Variants in WDFY2 observed in about 807,000 individuals in gnomAD.
WDFY2 encodes the protein WD repeat and FYVE domain-containing protein 2.
A neutral mutation model predicts 56.4 loss-of-function variants in WDFY2; 36 were observed. That is an observed-to-expected ratio of 0.64 (90% CI 0.49 to 0.84). WDFY2 has a LOEUF of 0.84. WDFY2 is among the 40% of genes least tolerant of loss of function. The probability of loss-of-function intolerance (pLI) is 0.00; values close to 1 mark genes in which losing one functional copy is unlikely to be tolerated. For missense variants in WDFY2, 444 were observed against 512.2 expected (o/e 0.87, Z 1.29); for synonymous variants, 176 against 183.7 (o/e 0.96, Z 0.34).
chr13:51,685,545 G>T (rs1473844065), intron 3 of WDFY2, among the ~76,000 whole-genome samples: 1 of 152,108 alleles, frequency 6.6e-6, no homozygotes, highest in African/African-American at 2.4e-5. Context: ...CTGAAGAAAA[G>T]AAAATGTGAC....
In WDFY2 at chr13:51,727,611, C is replaced by T. The variant is rs539564615; in HGVS notation, c.486-67C>T. On this transcript the variant is annotated intron_variant, in intron 5 of 11. Coordinates refer to ENST00000298125, the MANE Select transcript of WDFY2 (RefSeq NM_052950.4). Reference sequence around the variant, plus strand: ...TTGCGTATTTCTTGTTACATTTATGCCCTGTTTTTTCATTGTAAATTCCCT... The same window carrying T: ...TTGCGTATTTCTTGTTACATTTATGTCCTGTTTTTTCATTGTAAATTCCCT... 1,195 of 1,450,996 alleles carry T rather than the reference C, an allele frequency of 8.2e-4. 1 individual carries two copies. The highest frequency in any genetic ancestry group is 9.9e-4 in the Admixed American group (56 of 56,366). The allele number at this position is 1,450,996 out of a possible 1,614,324, so 89.9% of individuals were successfully genotyped here. A position where few individuals can be genotyped will look rare whatever the true frequency, so the allele number is the denominator to read the frequency against.
At chr13:51,618,710 G>A (rs1015764703) in intron 1 of WDFY2, among the ~76,000 whole-genome samples, 9 of 152,320 alleles carry the variant, frequency 5.9e-5, no homozygotes, top group African/African-American at 1.9e-4. Flanking sequence ...CTATTATGTT[G>A]CATCACGGCC....
rs1018305467 is a variant in WDFY2 at position 51,761,168 on chromosome 13, C to T, written c.*1399C>T. ...TTACTAAAACGGTATGTGGGTGGTCCGAGACAGAATGGTACCTACAGTGCA... is the reference window on the plus strand; with the variant it reads ...TTACTAAAACGGTATGTGGGTGGTCTGAGACAGAATGGTACCTACAGTGCA... On this transcript the variant is annotated 3_prime_UTR_variant, in exon 12 of 12. Coordinates refer to ENST00000298125, the MANE Select transcript of WDFY2 (RefSeq NM_052950.4). 1 of 151,936 alleles carries T rather than the reference C, an allele frequency of 6.6e-6. No homozygotes were observed. The highest frequency in any genetic ancestry group is 6.5e-5 in the Admixed American group (1 of 15,268). The allele number at this position is 151,936 out of a possible 1,614,324, so 9.4% of individuals were successfully genotyped here.
intron 3 of WDFY2, among the ~76,000 whole-genome samples, chr13:51,679,139 G>T (rs1955936559): frequency 6.6e-6 from 1 of 152,140 alleles, no homozygotes; most frequent in South Asian, 2.1e-4. Flanking sequence ...AAAGGTACTG[G>T]ATCGTAACAT....
intron 2 of WDFY2, among the ~76,000 whole-genome samples, chr13:51,667,796 C>G (rs1955734416): frequency 6.8e-6 from 1 of 146,948 alleles, no homozygotes; most frequent in South Asian, 2.2e-4. Context: ...GTTGTTTTTA[C>G]TATTCATATT....
chr13:51,758,579 A>T (rs1357534219), intron 11 of WDFY2, among the ~76,000 whole-genome samples: 1 of 150,722 alleles, frequency 6.6e-6, no homozygotes, highest in African/African-American at 2.4e-5. Context: ...AAAAGTTACC[A>T]TTGAAGGTGA....
At chr13:51,620,433 G>A (rs1219204102) in intron 1 of WDFY2, among the ~76,000 whole-genome samples, 1 of 151,942 alleles carries the variant, frequency 6.6e-6, no homozygotes, top group East Asian at 1.9e-4. Flanking sequence ...TGCTCTGGCG[G>A]GCTCCACTTC....
chr13:51,646,175 A>G (rs1955258659), intron 1 of WDFY2, among the ~76,000 whole-genome samples: 1 of 152,232 alleles, frequency 6.6e-6, no homozygotes, highest in South Asian at 2.1e-4. Context: ...ACAAACAAGA[A>G]CAAGCGTGGT....
In WDFY2 at chr13:51,584,838, C is replaced by T. The variant is rs774269634; in HGVS notation, c.137+14C>T. 6.2e-7 allele frequency: 1 copy of T among 1,612,866 alleles called. No individual in the cohort carries two copies. The highest frequency in any genetic ancestry group is 1.1e-5 in the South Asian group (1 of 90,964). On this transcript the variant is annotated intron_variant, in intron 1 of 11. Coordinates refer to ENST00000298125, the MANE Select transcript of WDFY2 (RefSeq NM_052950.4). ...CTCCGAGGACAGGTATGGACTACTG[C>T]CATTCGGCCGCGAGGAGGGGCGGGA...
chr13:51,625,301 G>T (rs1954818726), intron 1 of WDFY2, among the ~76,000 whole-genome samples: 1 of 152,198 alleles, frequency 6.6e-6, no homozygotes, highest in African/African-American at 2.4e-5. Flanking sequence ...TTAAGCCAGA[G>T]ACATTTCTAG....
chr13:51,643,121 A>G (rs550440753), intron 1 of WDFY2, among the ~76,000 whole-genome samples: 1 of 152,248 alleles, frequency 6.6e-6, no homozygotes, highest in Non-Finnish European at 1.5e-5. Context: ...ACTATTTGTA[A>G]GTGTTCAATT....
At chr13:51,744,160 G>A (rs542149921) in intron 7 of WDFY2, among the ~76,000 whole-genome samples, 78 of 152,312 alleles carry the variant, frequency 5.1e-4, no homozygotes, top group South Asian at 1.7e-3. Flanking sequence ...CTGGTCCTTG[G>A]AGCTTGGAAG....
chr13:51,696,555 G>A lies in WDFY2; in HGVS notation c.280-7041G>A, dbSNP rs547803159. Among the ~76,000 whole-genome samples the A allele has an allele frequency of 1.2e-3, 177 of 152,280 alleles. 1 individual carries two copies. Among genetic ancestry groups the A allele is most frequent in the South Asian group, 7.9e-3 (38 of 4,826 alleles). ...GTTCATTGAAAGCAAATAAAATGTG[G>A]TAAAGATGACCACAAGTCAGTGTGA... On this transcript the variant is annotated intron_variant, in intron 3 of 11. Coordinates refer to ENST00000298125, the MANE Select transcript of WDFY2 (RefSeq NM_052950.4).
At chr13:51,689,640 C>A (rs1956117791) in intron 3 of WDFY2, among the ~76,000 whole-genome samples, 1 of 152,100 alleles carries the variant, frequency 6.6e-6, no homozygotes, top group Admixed American at 6.5e-5. Flanking sequence ...TTTTAAAATA[C>A]ATGTGGTCAG....
chr13:51,708,620 G>A (rs1952141784), intron 4 of WDFY2, among the ~76,000 whole-genome samples: 1 of 149,696 alleles, frequency 6.7e-6, no homozygotes, highest in South Asian at 2.1e-4. Flanking sequence ...AAGGGGTAAA[G>A]AACGGGTGGA....
At chr13:51,653,621 A>G (rs1382406686) in intron 1 of WDFY2, among the ~76,000 whole-genome samples, 2 of 152,116 alleles carry the variant, frequency 1.3e-5, no homozygotes, top group Non-Finnish European at 2.9e-5. Context: ...TCTTCCTTCT[A>G]ACAGTCAGGA....
intron 1 of WDFY2, among the ~76,000 whole-genome samples, chr13:51,646,018 C>G (rs1955255857): frequency 6.6e-6 from 1 of 152,182 alleles, no homozygotes; most frequent in Non-Finnish European, 1.5e-5. Context: ...TCCAGCCAGC[C>G]CCCAAGTCCT....
intron 6 of WDFY2, among the ~76,000 whole-genome samples, chr13:51,734,641 G>T (rs1017391453): frequency 3.3e-5 from 5 of 152,170 alleles, no homozygotes; most frequent in African/African-American, 1.2e-4. Flanking sequence ...CATTCACAGT[G>T]TTGTACAGCC....
At chr13:51,660,451 C>T (rs535934500) in intron 1 of WDFY2, 145 bp from the exon 2 acceptor site, 4 of 552,096 alleles carry the variant, frequency 7.2e-6, no homozygotes, top group Admixed American at 5.9e-5. Context: ...ACGCCTACCT[C>T]GGCCTCTCAA....
Sources: gnomAD v4.1 joint callset for allele counts (sites outside exome capture counted in the v4.1 genomes callset) on GRCh38, gnomAD v4.1.1 for gene constraint, MANE v1.5 for transcripts, NCBI Gene and HGNC (gene_info 2026-07-23, HGNC 2026-07-21) for gene names.